The following SEC23B variants were observed in gnomAD, a reference collection of about 807,000 sequenced individuals.
The protein encoded by SEC23B is SEC23 homolog B, COPII component.
A neutral mutation model predicts 104.3 loss-of-function variants in SEC23B; 77 were observed. That is an observed-to-expected ratio of 0.74 (90% confidence interval 0.61 to 0.89). The LOEUF (loss-of-function observed/expected upper bound fraction) is 0.89, where lower values mean the gene tolerates loss of function less well. Ranked by LOEUF, SEC23B falls within the 40% of genes least tolerant of loss-of-function variation. The pLI is 0.00. For missense variants in SEC23B, 885 were observed against 949.4 expected (o/e 0.93, Z 0.89); for synonymous variants, 338 against 332.5 (o/e 1.02, Z -0.18).
At chr20:18,542,941 T>G in intron 13 of SEC23B, 78 bp from the exon 14 acceptor site, 1 of 1,563,794 alleles carries the variant, frequency 6.4e-7, no homozygotes, top group Non-Finnish European at 8.8e-7. Flanking sequence ...ACCTAGCCTG[T>G]GTTTCTTTTT....
intron 4 of SEC23B, among the ~76,000 whole-genome samples, chr20:18,517,325 A>ACCACCT (rs1277492117): frequency 6.6e-6 from 1 of 152,228 alleles, no homozygotes; most frequent in Non-Finnish European, 1.5e-5. Flanking sequence ...CTCACAAAGT[A>ACCACCT]CGTTCTCAAG....
At position 18,527,541 on chromosome 20, in the gene SEC23B, A is replaced by C. The variant is rs1339849408; in HGVS notation, c.1039A>C (p.Ile347Leu). 1 of 1,613,880 alleles carries C rather than the reference A, an allele frequency of 6.2e-7. No homozygotes were observed. ...TCGAACAGCTGCAAATGGTCACTGC[A>C]TTGATATTTATGCTTGTGCCCTTGA... is the stretch of plus-strand genomic sequence containing the variant. ...ANRTAANGHC[I>L]DIYACALDQT... Residue 347 changes from isoleucine to leucine, a missense_variant, in exon 9 of 20, where the codon ATT (isoleucine) becomes CTT (leucine). By Grantham distance (5) the Ile-to-Leu change is conservative. Transcript: ENST00000650089.
chr20:18,514,658 CA>C, intron 3 of SEC23B, among the ~76,000 whole-genome samples: 1 of 152,272 alleles, frequency 6.6e-6, no homozygotes, highest in East Asian at 1.9e-4. Context: ...AAAACATTTG[CA>C]GAGAGTTTTA....
chr20:18,555,597 A>T (rs1395710895), intron 19 of SEC23B, among the ~76,000 whole-genome samples: 1 of 151,948 alleles, frequency 6.6e-6, no homozygotes, highest in Non-Finnish European at 1.5e-5. Context: ...TTACTACTTT[A>T]TCTAACTGCT....
chr20:18,542,213 C>T, intron 12 of SEC23B, 83 bp from the exon 13 acceptor site: 2 of 1,163,976 alleles, frequency 1.7e-6, no homozygotes, highest in East Asian at 2.3e-5. Flanking sequence ...CTGTGTCAGT[C>T]ATTTTAGAAG....
At chr20:18,518,087 A>G (rs1186387363) in intron 4 of SEC23B, among the ~76,000 whole-genome samples, 5 of 152,212 alleles carry the variant, frequency 3.3e-5, no homozygotes, top group African/African-American at 1.2e-4. Flanking sequence ...GGTAAGGGGT[A>G]TGAAGTTTTC....
At chr20:18,527,688 A>T in intron 9 of SEC23B, 77 bp downstream of exon 9, 1 of 983,540 alleles carries the variant, frequency 1.0e-6, no homozygotes, top group Non-Finnish European at 1.7e-6. Context: ...GAGCCATAGG[A>T]ATGGGCAAGG....
chr20:18,527,486 C>T lies in SEC23B; in HGVS notation c.994-10C>T. The T allele has an allele frequency of 1.3e-6, 2 of 1,500,194 alleles. No homozygotes were observed. The highest frequency in any genetic ancestry group is 2.3e-5 in the South Asian group (2 of 88,808). 92.9% of individuals were successfully genotyped at this position (1,500,194 alleles called of 1,614,324 possible). On this transcript the variant is annotated splice_polypyrimidine_tract_variant and intron_variant, in intron 8 of 19. Transcript: ENST00000650089. Reference sequence around the variant, plus strand: ...ACTGTTTCCTAAAGATAGCTTTCCTCTCTTCACAGCACTATGAGATGCTTG... The same window carrying T: ...ACTGTTTCCTAAAGATAGCTTTCCTTTCTTCACAGCACTATGAGATGCTTG...
chr20:18,524,449 C>G lies in SEC23B; in HGVS notation c.383C>G (p.Pro128Arg), dbSNP rs942409801. ...EYVIQRGAQS[P>R]LIFLYVVDTC... is the part of the protein sequence containing the mutation. ...TGCCCAAAGCGAGGTGCTCAGTCCCCTCTGATCTTTCTCTATGTGGTTGAC... is the reference window on the plus strand; with the variant it reads ...TGCCCAAAGCGAGGTGCTCAGTCCCGTCTGATCTTTCTCTATGTGGTTGAC... The change falls in exon 5 of 20, where the codon CCT becomes CGT. Residue 128 changes from proline (P) to arginine (R), a missense_variant. By Grantham distance (103) the Pro-to-Arg change is moderately radical. Transcript: ENST00000650089. The G allele has an allele frequency of 6.2e-7, 1 of 1,614,106 alleles. No homozygotes were observed.
intron 3 of SEC23B, among the ~76,000 whole-genome samples, chr20:18,514,707 G>GA (rs2060009966): frequency 6.6e-6 from 1 of 152,168 alleles, no homozygotes; most frequent in South Asian, 2.1e-4. Context: ...ATGTTGACTG[G>GA]AAAAAACAAG....
Position 18,525,904 on chromosome 20 carries a change from C to T in SEC23B, c.806C>T (p.Ala269Val). 5.0e-6 allele frequency: 8 copies of T among 1,614,200 alleles called. No homozygotes were observed. The highest frequency in any genetic ancestry group is 6.8e-6 in the Non-Finnish European group (8 of 1,180,030). The change falls in exon 7 of 20, where the codon GCT becomes GTT. Residue 269 changes from alanine (A) to valine (V), a missense_variant. Ala to Val is a moderately conservative substitution (Grantham distance 64). Transcript: ENST00000650089. The stretch of plus-strand genomic sequence containing the variant: ...AGACCTTTGCGATCCACTGGTGTGG[C>T]TTTGTCCATTGCTGTTGGCTTGCTG... Reference protein sequence around the residue: ...GKRPLRSTGVALSIAVGLLEG... With the variant: ...GKRPLRSTGVVLSIAVGLLEG...
intron 2 of SEC23B, among the ~76,000 whole-genome samples, chr20:18,511,402 A>T (rs1319529475): frequency 6.6e-6 from 1 of 152,190 alleles, no homozygotes; most frequent in Non-Finnish European, 1.5e-5. Context: ...AGAATTCGAA[A>T]GCTTAGACCG....
At chr20:18,542,867 A>G (rs1682963710) in intron 13 of SEC23B, 152 bp from the exon 14 acceptor site, 2 of 902,674 alleles carry the variant, frequency 2.2e-6, no homozygotes, top group Non-Finnish European at 3.7e-6. Flanking sequence ...TTGAACTTCT[A>G]GGCTCAAGCA....
rs564992163 is a variant in SEC23B, at chr20:18,521,639, T to C, written c.367-2794T>C. ...GGGAGGTGATAGAAAGATTATAGGG[T>C]GGGGGAGCAGAGGCTGAGAAAGAAT... On this transcript the variant is annotated intron_variant, in intron 4 of 19. Transcript: ENST00000650089. 3.6e-3 allele frequency among the ~76,000 whole-genome samples: 538 copies of C among 150,866 alleles called. 2 individuals carry two copies. Among genetic ancestry groups the C allele is most frequent in the African/African-American group, 0.012 (502 of 41,008 alleles).
Position 18,554,604 on chromosome 20 carries a change from G to C in SEC23B, c.2148+214G>C, listed in dbSNP as rs568848971. 5.3e-5 allele frequency among the ~76,000 whole-genome samples: 8 copies of C among 152,192 alleles called. No homozygotes were observed. In the East Asian group the frequency reaches 9.7e-4, roughly 18 times the overall value. ...GCACTTTGGGAGGCCGAGGCGGGCG[G>C]ATCATGAGGTCAGGAGATCGAGACC... is the stretch of plus-strand genomic sequence containing the variant. On this transcript the variant is annotated intron_variant, in intron 18 of 19. Transcript: ENST00000650089.
intron 4 of SEC23B, among the ~76,000 whole-genome samples, chr20:18,522,941 C>T (rs2060097356): frequency 6.6e-6 from 1 of 151,946 alleles, no homozygotes; most frequent in African/African-American, 2.4e-5. Context: ...GTGGTGGGCA[C>T]CTATAGTCCC....
chr20:18,549,655 A>C (rs2060367950), intron 16 of SEC23B, among the ~76,000 whole-genome samples: 2 of 152,254 alleles, frequency 1.3e-5, no homozygotes, highest in African/African-American at 4.8e-5. Context: ...ATGGAAAAAA[A>C]CAAAATATCA....
At chr20:18,550,302 G>A (rs535742622) in intron 16 of SEC23B, among the ~76,000 whole-genome samples, 92 of 151,954 alleles carry the variant, frequency 6.1e-4, no homozygotes, top group African/African-American at 2.1e-3. Flanking sequence ...CCACAGGCAC[G>A]TGCCACTACA....
rs2060145495 is a variant in SEC23B at position 18,527,587 on chromosome 20, T to A, written c.1085T>A (p.Met362Lys). The change falls in exon 9 of 20, where the codon ATG (methionine) becomes AAG (lysine). Residue 362 changes from methionine (M) to lysine (K), a missense_variant. By Grantham distance (95) the Met-to-Lys change is moderately conservative. Coordinates refer to ENST00000650089, the MANE Select transcript of SEC23B (RefSeq NM_006363.6). ...CALDQTGLLE[M>K]KCCANLTGGY... Reference sequence around the variant, plus strand: ...CTTGATCAAACTGGACTTTTGGAGATGAAGTGTTGTGCAAATCTTACTGGG... The same window carrying A: ...CTTGATCAAACTGGACTTTTGGAGAAGAAGTGTTGTGCAAATCTTACTGGG... 1 of 1,607,462 alleles carries A rather than the reference T, an allele frequency of 6.2e-7. No individual in the cohort carries two copies. The highest frequency in any genetic ancestry group is 8.5e-7 in the Non-Finnish European group (1 of 1,173,952).
Sources: gnomAD v4.1 joint callset for allele counts (sites outside exome capture counted in the v4.1 genomes callset) on GRCh38, gnomAD v4.1.1 for gene constraint, MANE v1.5 for transcripts, NCBI Gene and HGNC (gene_info 2026-07-23, HGNC 2026-07-21) for gene names.